Variants in IGF2BP3 observed in about 807,000 individuals in gnomAD.
IGF2BP3 encodes the protein insulin like growth factor 2 mRNA binding protein 3.
Under a neutral mutation model 73.8 loss-of-function variants are expected in IGF2BP3, and 9 were observed. The ratio of observed to expected loss-of-function variants is 0.12; its 90% confidence interval spans 0.07 to 0.21. The LOEUF is 0.21. Ranked by LOEUF, IGF2BP3 falls within the 10% of genes least tolerant of loss-of-function variation. IGF2BP3 has a pLI of 1.00. For missense variants in IGF2BP3, 542 were observed against 714.0 expected, an observed-to-expected ratio of 0.76 and a Z score of 2.75; for synonymous variants, 258 against 256.7, an observed-to-expected ratio of 1.01 and a Z score of -0.05.
intron 2 of IGF2BP3, among the ~76,000 whole-genome samples, chr7:23,428,194 A>G (rs1411924113): frequency 6.6e-6 from 1 of 151,856 alleles, no homozygotes; most frequent in Non-Finnish European, 1.5e-5. Context: ...AAAAAAAGCC[A>G]GAAGCAATGG....
At chr7:23,335,731 T>C (rs1334280369) in intron 10 of IGF2BP3, among the ~76,000 whole-genome samples, 1 of 152,204 alleles carries the variant, frequency 6.6e-6, no homozygotes, top group African/African-American at 2.4e-5. Flanking sequence ...CCAGCAGCCC[T>C]TGGGATTACT....
At chr7:23,455,207 T>G (rs1057034591) in intron 2 of IGF2BP3, among the ~76,000 whole-genome samples, 2 of 152,204 alleles carry the variant, frequency 1.3e-5, no homozygotes, top group Non-Finnish European at 2.9e-5. Flanking sequence ...ATGAGAATAA[T>G]GCAGTCACTC....
At chr7:23,315,804 T>G (rs1583872116) in intron 12 of IGF2BP3, among the ~76,000 whole-genome samples, 1 of 152,330 alleles carries the variant, frequency 6.6e-6, no homozygotes, top group Non-Finnish European at 1.5e-5. Context: ...TACCATTCCT[T>G]AGATCTCTAA....
At chr7:23,432,984 A>G (rs1787723595) in intron 2 of IGF2BP3, among the ~76,000 whole-genome samples, 1 of 152,234 alleles carries the variant, frequency 6.6e-6, no homozygotes, top group South Asian at 2.1e-4. Context: ...AACCACAGAA[A>G]CACACGCAGT....
intron 3 of IGF2BP3, among the ~76,000 whole-genome samples, chr7:23,377,660 G>A (rs1676093757): frequency 1.3e-5 from 2 of 152,138 alleles, no homozygotes; most frequent in African/African-American, 4.8e-5. Context: ...ACAAAAACAT[G>A]TACACCAGTG....
chr7:23,446,474 T>C (rs937256345), intron 2 of IGF2BP3, among the ~76,000 whole-genome samples: 4 of 152,054 alleles, frequency 2.6e-5, no homozygotes, highest in African/African-American at 4.8e-5. Flanking sequence ...GGAGAATCAC[T>C]TGAACCCAGG....
intron 2 of IGF2BP3, among the ~76,000 whole-genome samples, chr7:23,422,303 T>C (rs538697875): frequency 6.6e-6 from 1 of 152,274 alleles, no homozygotes; most frequent in South Asian, 2.1e-4. Context: ...ATACTATCTT[T>C]TGTTTATTAA....
intron 2 of IGF2BP3, among the ~76,000 whole-genome samples, chr7:23,449,706 C>A (rs1203825595): frequency 1.3e-5 from 2 of 151,658 alleles, no homozygotes; most frequent in East Asian, 2.0e-4. Flanking sequence ...CACAGGTATG[C>A]GCTACCACAC....
intron 1 of IGF2BP3, among the ~76,000 whole-genome samples, 198 bp from the exon 2 acceptor site, chr7:23,468,740 A>C (rs1186149845): frequency 6.6e-6 from 1 of 152,086 alleles, no homozygotes; most frequent in Non-Finnish European, 1.5e-5. Context: ...ATGGTTGGGG[A>C]GCAGGGTCCG....
intron 2 of IGF2BP3, among the ~76,000 whole-genome samples, chr7:23,453,629 G>A (rs1056120406): frequency 6.6e-6 from 1 of 152,142 alleles, no homozygotes; most frequent in African/African-American, 2.4e-5. Context: ...TTAGTTGAAA[G>A]GTATTCTCAT....
intron 2 of IGF2BP3, among the ~76,000 whole-genome samples, chr7:23,459,238 T>C (rs535454325): frequency 6.6e-6 from 1 of 152,324 alleles, no homozygotes; most frequent in East Asian, 1.9e-4. Context: ...TTTTGATTAA[T>C]AGTTTTGGTC....
intron 10 of IGF2BP3, among the ~76,000 whole-genome samples, chr7:23,320,371 C>A (rs1487194668): frequency 6.6e-6 from 1 of 152,032 alleles, no homozygotes; most frequent in African/African-American, 2.4e-5. Flanking sequence ...ATAGTCCTTG[C>A]AGGGATAAAG....
chr7:23,312,517 G>A (rs1783860713), intron 14 of IGF2BP3, 57 bp from the exon 15 acceptor site: 12 of 1,206,074 alleles, frequency 9.9e-6, no homozygotes, highest in Non-Finnish European at 1.4e-5. Context: ...AAAAGTTATT[G>A]TACTCCTTCA....
chr7:23,338,192 G>A (rs1784621594), intron 10 of IGF2BP3, among the ~76,000 whole-genome samples: 1 of 151,760 alleles, frequency 6.6e-6, no homozygotes, highest in Non-Finnish European at 1.5e-5. Flanking sequence ...AAAGAGGTGA[G>A]TTTTTTTTCA....
At chr7:23,391,179 A>C (rs534217211) in intron 3 of IGF2BP3, among the ~76,000 whole-genome samples, 24 of 148,570 alleles carry the variant, frequency 1.6e-4, no homozygotes, top group African/African-American at 5.3e-4. Flanking sequence ...GGCTCACTGC[A>C]ACCTCCACCC....
At chr7:23,405,632 A>G (rs1230918565) in intron 3 of IGF2BP3, among the ~76,000 whole-genome samples, 1 of 152,128 alleles carries the variant, frequency 6.6e-6, no homozygotes, top group Non-Finnish European at 1.5e-5. Flanking sequence ...TTAGATTCTC[A>G]TGGAAGTGCG....
At chr7:23,324,473 G>A (rs2128494568) in intron 10 of IGF2BP3, among the ~76,000 whole-genome samples, 2 of 135,824 alleles carry the variant, frequency 1.5e-5, no homozygotes, top group South Asian at 5.1e-4. Flanking sequence ...TGGATTCACA[G>A]CCGAATTCTA....
intron 3 of IGF2BP3, among the ~76,000 whole-genome samples, chr7:23,370,113 A>G (rs274045): frequency 0.14 from 20,583 of 152,088 alleles, 3,521 homozygotes; most frequent in African/African-American, 0.4. Flanking sequence ...TATATCCAAC[A>G]TACTTCCCAC....
At chr7:23,360,830 A>G (rs1276009915) in intron 5 of IGF2BP3, among the ~76,000 whole-genome samples, 1 of 152,152 alleles carries the variant, frequency 6.6e-6, no homozygotes, top group Non-Finnish European at 1.5e-5. Context: ...GCTAACACCC[A>G]GTGCTGTGCT....
Sources: allele counts gnomAD v4.1 joint callset (sites outside exome capture counted in the v4.1 genomes callset), GRCh38; gene constraint gnomAD v4.1.1; transcripts MANE v1.5; gene names NCBI Gene and HGNC (gene_info 2026-07-23, HGNC 2026-07-21).